Variants in UXS1 observed in about 807,000 individuals in gnomAD.
The protein encoded by UXS1 is UDP-glucuronate decarboxylase 1, also known as UDP-glucuronic acid decarboxylase 1.
A neutral mutation model predicts 62.6 loss-of-function variants in UXS1; 33 were observed. The ratio of observed to expected loss-of-function variants is 0.53; its 90% CI spans 0.40 to 0.70. UXS1 has a LOEUF of 0.70. Ranked by LOEUF, UXS1 falls within the 30% of genes least tolerant of loss-of-function variation. The pLI is 0.00. For synonymous variants in UXS1, 213 were observed against 206.8 expected, an observed-to-expected ratio of 1.03 and a Z score of -0.26; for missense variants, 434 against 556.3, an observed-to-expected ratio of 0.78 and a Z score of 2.21.
intron 2 of UXS1, among the ~76,000 whole-genome samples, chr2:106,165,281 C>G (rs562882886): frequency 5.3e-5 from 8 of 152,290 alleles, no homozygotes; most frequent in African/African-American, 1.9e-4. Flanking sequence ...CAAATCGACA[C>G]CATCCCACCC....
chr2:106,104,522 C>T (rs1198694616), intron 11 of UXS1, among the ~76,000 whole-genome samples: 3 of 152,144 alleles, frequency 2.0e-5, no homozygotes, highest in East Asian at 1.9e-4. Context: ...CCCAAGTCAC[C>T]CTCAGAGCTG....
intron 1 of UXS1, among the ~76,000 whole-genome samples, chr2:106,170,120 C>T (rs2105074939): frequency 6.6e-6 from 1 of 152,292 alleles, no homozygotes; most frequent in South Asian, 2.1e-4. Flanking sequence ...CCCACTCAGA[C>T]CTCCACGCTT....
intron 7 of UXS1, among the ~76,000 whole-genome samples, chr2:106,128,074 G>C (rs181883462): frequency 6.6e-6 from 1 of 152,118 alleles, no homozygotes; most frequent in Non-Finnish European, 1.5e-5. Flanking sequence ...TGCATCCCCC[G>C]AGTAGGAAGA....
At chr2:106,177,661 G>C (rs1683977896) in intron 1 of UXS1, among the ~76,000 whole-genome samples, 1 of 152,228 alleles carries the variant, frequency 6.6e-6, no homozygotes, top group South Asian at 2.1e-4. Context: ...GCTGCCATGT[G>C]AGGACACTGC....
intron 1 of UXS1, among the ~76,000 whole-genome samples, chr2:106,178,261 G>C (rs1349754437): frequency 6.6e-6 from 1 of 152,112 alleles, no homozygotes; most frequent in African/African-American, 2.4e-5. Flanking sequence ...TACACGGTTT[G>C]TCCAAAAAGT....
chr2:106,112,710 T>G lies in UXS1; in HGVS notation c.815A>C (p.His272Pro). Residue 272 changes from histidine to proline, a missense_variant, in exon 10 of 15, where the codon CAC (histidine) becomes CCC (proline). Physicochemically the swap from His to Pro is moderately conservative, Grantham distance 77. This residue lies in a region of UXS1 where 209 missense variants were observed against 233.3 expected (regional missense o/e 0.90). Transcript: ENST00000283148. Reference protein sequence around the residue: ...RIFNTFGPRMHMNDGRVVSNF... With the variant: ...RIFNTFGPRMPMNDGRVVSNF... Reference sequence around the variant, plus strand: ...GCTGACTACTCGCCCATCGTTCATGTGCATGCGTGGCCCAAAGGTGTTGAA... The same window carrying G: ...GCTGACTACTCGCCCATCGTTCATGGGCATGCGTGGCCCAAAGGTGTTGAA... The G allele has an allele frequency of 6.2e-7, 1 of 1,614,044 alleles. No homozygotes were observed. The highest frequency in any genetic ancestry group is 8.5e-7 in the Non-Finnish European group (1 of 1,179,896).
At chr2:106,116,726 C>A (rs1302242132) in intron 9 of UXS1, among the ~76,000 whole-genome samples, 1 of 152,156 alleles carries the variant, frequency 6.6e-6, no homozygotes, top group African/African-American at 2.4e-5. Flanking sequence ...GTGGCTTGAG[C>A]CTGTGTGACC....
chr2:106,098,745 T>A lies in UXS1; in HGVS notation c.1013A>T (p.Glu338Val), dbSNP rs1306759613. 1 of 1,612,184 alleles carries A rather than the reference T, an allele frequency of 6.2e-7. No homozygotes were observed. Reference protein sequence around the residue: ...LGNPEEHTILEFAQLIKNLVG... With the variant: ...LGNPEEHTILVFAQLIKNLVG... ...AAGGTTTTTAATTAACTGAGCAAAT[T>A]CTAGGATTGTGTGTTCTTCTGGGTT... Residue 338 changes from glutamate to valine, a missense_variant, in exon 13 of 15, where the codon GAA (glutamate) becomes GTA (valine). Glu to Val is a moderately radical substitution (Grantham distance 121). Coordinates refer to ENST00000283148, the MANE Select transcript of UXS1 (RefSeq NM_001253875.2).
In UXS1 at chr2:106,093,904, G is replaced by T; in HGVS notation, c.*122C>A. 1 of 1,312,568 alleles carries T rather than the reference G, an allele frequency of 7.6e-7. No individual in the cohort carries two copies. The highest frequency in any genetic ancestry group is 2.8e-5 in the East Asian group (1 of 36,110). 81.3% of individuals were successfully genotyped at this position (1,312,568 alleles called of 1,614,324 possible). ...ATTTCATTAAAGCAAGCTTCAGAAT[G>T]AAATTCCAGTTTGTTCTTCATGACA... On this transcript the variant is annotated 3_prime_UTR_variant, in exon 15 of 15. Coordinates refer to ENST00000283148, the MANE Select transcript of UXS1 (RefSeq NM_001253875.2).
intron 12 of UXS1, among the ~76,000 whole-genome samples, chr2:106,099,778 G>A (rs1677436810): frequency 6.6e-6 from 1 of 152,188 alleles, no homozygotes; most frequent in South Asian, 2.1e-4. Context: ...GGCAAATGCT[G>A]CAAGCAAAAT....
At chr2:106,095,503 T>C (rs1337057524) in intron 14 of UXS1, among the ~76,000 whole-genome samples, 2 of 152,266 alleles carry the variant, frequency 1.3e-5, no homozygotes, top group Admixed American at 6.5e-5. Context: ...GCTCTGACTA[T>C]GCACATTTTA....
At chr2:106,150,268 C>T (rs1417414691) in intron 5 of UXS1, among the ~76,000 whole-genome samples, 1 of 152,168 alleles carries the variant, frequency 6.6e-6, no homozygotes, top group East Asian at 1.9e-4. Flanking sequence ...CCCAGCCTTA[C>T]CATATAAAGA....
In UXS1 at chr2:106,157,927, C is replaced by T. The variant is rs1415948594; in HGVS notation, c.291+131G>A. The T allele has an allele frequency of 5.0e-6, 4 of 800,692 alleles. No individual in the cohort carries two copies. The African/African-American group carries it at 6.9e-5, about 14-fold the overall frequency. The allele number at this position is 800,692 out of a possible 1,614,324, so 49.6% of individuals were successfully genotyped here. On this transcript the variant is annotated intron_variant, in intron 5 of 14. Coordinates refer to ENST00000283148, the MANE Select transcript of UXS1 (RefSeq NM_001253875.2). ...CTGTGGAATCAGAATGCGGTGCTAACTCTGTGGACATACTATAAGCCACTG... is the reference window on the plus strand; with the variant it reads ...CTGTGGAATCAGAATGCGGTGCTAATTCTGTGGACATACTATAAGCCACTG...
intron 1 of UXS1, among the ~76,000 whole-genome samples, chr2:106,176,756 C>T (rs1683906456): frequency 1.3e-5 from 2 of 152,232 alleles, no homozygotes; most frequent in African/African-American, 4.8e-5. Context: ...CCTGAGCAGG[C>T]TCTAGCAACC....
At position 106,137,890 on chromosome 2, in the gene UXS1, T is replaced by A. The variant is rs577790288; in HGVS notation, c.472+7300A>T. ...CCGAGTACGACACCACAGAGCCCGC[T>A]CAGGTGTGCTAGACCTGGAGCCTGC... is the stretch of plus-strand genomic sequence containing the variant. On this transcript the variant is annotated intron_variant, in intron 6 of 14. Transcript: ENST00000283148. Among the ~76,000 whole-genome samples the A allele has an allele frequency of 1.4e-4, 22 of 152,128 alleles. 1 individual carries two copies. Among genetic ancestry groups the A allele is most frequent in the African/African-American group, 5.3e-4 (22 of 41,508 alleles).
chr2:106,170,541 G>A (rs183804762), intron 1 of UXS1, among the ~76,000 whole-genome samples: 3 of 152,116 alleles, frequency 2.0e-5, no homozygotes, highest in East Asian at 3.9e-4. Context: ...ATCTTCAGAC[G>A]CGCTATAACC....
chr2:106,178,596 A>ATGTGTGTGTATATATG (rs758183319), intron 1 of UXS1, among the ~76,000 whole-genome samples: 1 of 151,782 alleles, frequency 6.6e-6, no homozygotes, highest in Non-Finnish European at 1.5e-5. Context: ...ATGTACATGT[A>ATGTGTGTGTATATATG]TGTGTGTGTA....
chr2:106,093,337 T>C lies in UXS1; in HGVS notation c.*689A>G, dbSNP rs538259724. The stretch of plus-strand genomic sequence containing the variant: ...GGTGAGTTTCAATAATTTATTAAAA[T>C]AGCATATTTAACCATGGTTAACCAA... On this transcript the variant is annotated 3_prime_UTR_variant, in exon 15 of 15. Transcript: ENST00000283148. 3.1e-4 allele frequency: 48 copies of C among 152,392 alleles called. No individual in the cohort carries two copies. Among genetic ancestry groups the C allele is most frequent in the Non-Finnish European group, 2.5e-4 (17 of 68,038 alleles). The allele number at this position is 152,392 out of a possible 1,614,324, so 9.4% of individuals were successfully genotyped here.
chr2:106,154,439 G>C (rs139238038), intron 5 of UXS1, among the ~76,000 whole-genome samples: 115 of 152,258 alleles, frequency 7.6e-4, no homozygotes, highest in Admixed American at 2.4e-3. Context: ...ACTGGATTAG[G>C]GTGGGACTTT....
Sources: allele counts gnomAD v4.1 joint callset (sites outside exome capture counted in the v4.1 genomes callset), GRCh38; gene constraint gnomAD v4.1.1; regional missense constraint gnomAD v4.1.1; transcripts MANE v1.5; gene names NCBI Gene and HGNC (gene_info 2026-07-23, HGNC 2026-07-21).